The following PUM1 variants were observed in gnomAD, a reference collection of about 807,000 sequenced individuals.
The protein encoded by PUM1 is pumilio homolog 1.
A neutral mutation model predicts 131.8 loss-of-function variants in PUM1; 13 were observed. The observed-to-expected ratio is 0.10, with a 90% confidence interval of 0.06 to 0.16. The LOEUF (loss-of-function observed/expected upper bound fraction) is 0.16, where lower values mean the gene tolerates loss of function less well. PUM1 is among the 10% of genes least tolerant of loss of function. The pLI is 1.00. For synonymous variants in PUM1, 509 were observed against 556.5 expected, an observed-to-expected ratio of 0.91 and a Z score of 1.20; for missense variants, 961 against 1,512.4, an observed-to-expected ratio of 0.64 and a Z score of 6.05.
At chr1:31,050,445 G>A (rs1644080666) in intron 2 of PUM1, among the ~76,000 whole-genome samples, 1 of 151,718 alleles carries the variant, frequency 6.6e-6, no homozygotes, top group South Asian at 2.1e-4. Flanking sequence ...GATAGTGCCA[G>A]TGGGTGACAA....
chr1:31,046,377 ACTCT>A (rs1304443450), intron 2 of PUM1, among the ~76,000 whole-genome samples: 1 of 152,038 alleles, frequency 6.6e-6, no homozygotes, highest in Non-Finnish European at 1.5e-5. Flanking sequence ...CAAGAGTGAA[ACTCT>A]CTCTCAAAAC....
chr1:31,029,942 G>A (rs899717082), intron 2 of PUM1, among the ~76,000 whole-genome samples: 7 of 149,786 alleles, frequency 4.7e-5, no homozygotes, highest in African/African-American at 1.7e-4. Context: ...AAGGCTGGGC[G>A]CAGTGGCTCA....
At chr1:31,054,829 C>A (rs1438062462) in intron 2 of PUM1, among the ~76,000 whole-genome samples, 2 of 152,132 alleles carry the variant, frequency 1.3e-5, no homozygotes, top group South Asian at 2.1e-4. Flanking sequence ...CAAAACAATT[C>A]TTTGGCCCTG....
intron 2 of PUM1, among the ~76,000 whole-genome samples, chr1:31,049,296 A>G (rs1478831937): frequency 6.6e-6 from 1 of 152,150 alleles, no homozygotes; most frequent in Non-Finnish European, 1.5e-5. Flanking sequence ...CAGGTGGATC[A>G]CTTGAGGTCA....
At chr1:31,064,103 T>G (rs567043118) in intron 1 of PUM1, among the ~76,000 whole-genome samples, 64 of 152,338 alleles carry the variant, frequency 4.2e-4, no homozygotes, top group African/African-American at 1.5e-3. Flanking sequence ...TTTTAAAATA[T>G]CACTAATTGA....
intron 5 of PUM1, among the ~76,000 whole-genome samples, chr1:30,997,919 T>C (rs1642042854): frequency 6.7e-6 from 1 of 149,676 alleles, no homozygotes; most frequent in Non-Finnish European, 1.5e-5. Flanking sequence ...CTAATTTACA[T>C]TCTCAGTTAT....
At chr1:30,934,669 T>G (rs554147267) in intron 21 of PUM1, among the ~76,000 whole-genome samples, 8 of 152,194 alleles carry the variant, frequency 5.3e-5, no homozygotes, top group Non-Finnish European at 1.2e-4. Flanking sequence ...TTACTAATGT[T>G]TCTGTCATGA....
intron 2 of PUM1, among the ~76,000 whole-genome samples, chr1:31,033,909 G>A (rs1345140294): frequency 6.6e-6 from 1 of 151,998 alleles, no homozygotes; most frequent in Non-Finnish European, 1.5e-5. Context: ...TAAAGTGCTG[G>A]GATTACAGGT....
intron 7 of PUM1, among the ~76,000 whole-genome samples, chr1:30,983,813 G>A (rs2124473259): frequency 6.7e-6 from 1 of 149,226 alleles, no homozygotes; most frequent in South Asian, 2.1e-4. Flanking sequence ...ACGTTGCTCA[G>A]GCTGGTCTGG....
intron 3 of PUM1, among the ~76,000 whole-genome samples, chr1:31,023,844 G>A (rs1026598641): frequency 1.3e-5 from 2 of 149,086 alleles, no homozygotes; most frequent in African/African-American, 2.5e-5. Flanking sequence ...CAGGAGAATC[G>A]CTTGAACCCG....
intron 2 of PUM1, among the ~76,000 whole-genome samples, chr1:31,053,393 C>T (rs1570362653): frequency 1.3e-5 from 2 of 151,386 alleles, no homozygotes; most frequent in Admixed American, 6.6e-5. Context: ...CACTTCCCTC[C>T]GAAGACCTCA....
At chr1:31,062,316 G>A (rs12126748) in intron 1 of PUM1, among the ~76,000 whole-genome samples, 42,952 of 151,958 alleles carry the variant, frequency 0.28, 6,551 homozygotes, top group Non-Finnish European at 0.34. Flanking sequence ...CAGCCTGTGG[G>A]TGCTTTTAAA....
chr1:31,018,925 T>C (rs372398253), intron 3 of PUM1, among the ~76,000 whole-genome samples: 1 of 152,118 alleles, frequency 6.6e-6, no homozygotes, highest in African/African-American at 2.4e-5. Context: ...TGTGTGCATA[T>C]AGTATCAAAA....
intron 1 of PUM1, 107 bp from the exon 2 acceptor site, chr1:31,059,684 T>C: frequency 1.5e-6 from 2 of 1,333,402 alleles, no homozygotes; most frequent in South Asian, 1.5e-5. Flanking sequence ...ATAAATGTCG[T>C]TGGTGGCATG....
intron 2 of PUM1, among the ~76,000 whole-genome samples, chr1:31,051,514 G>T (rs1644108985): frequency 6.6e-6 from 1 of 152,068 alleles, no homozygotes; most frequent in African/African-American, 2.4e-5. Context: ...TGTTGGTCAG[G>T]CTGGTCTCCA....
chr1:30,987,195 A>T (rs1442828538), intron 7 of PUM1, among the ~76,000 whole-genome samples: 4 of 140,890 alleles, frequency 2.8e-5, no homozygotes, highest in African/African-American at 2.6e-5. Context: ...CTAGTAACAA[A>T]TTTTTTTTTT....
At chr1:31,038,392 T>G (rs887606787) in intron 2 of PUM1, among the ~76,000 whole-genome samples, 5 of 152,162 alleles carry the variant, frequency 3.3e-5, no homozygotes, top group Non-Finnish European at 7.3e-5. Context: ...TGCAGAAATG[T>G]AGACTACTGT....
chr1:31,027,136 T>C (rs548116847), intron 3 of PUM1, among the ~76,000 whole-genome samples: 2 of 152,306 alleles, frequency 1.3e-5, no homozygotes, highest in South Asian at 4.1e-4. Context: ...TTATCTTGTA[T>C]CATTAATTTT....
chr1:30,955,974 A>T (rs1259961576), intron 14 of PUM1, among the ~76,000 whole-genome samples: 4 of 152,254 alleles, frequency 2.6e-5, no homozygotes, highest in Non-Finnish European at 5.9e-5. Flanking sequence ...TGCAACTCCC[A>T]TTTATGTAAC....
Sources: allele counts gnomAD v4.1 joint callset (sites outside exome capture counted in the v4.1 genomes callset), GRCh38; gene constraint gnomAD v4.1.1; transcripts MANE v1.5; gene names NCBI Gene and HGNC (gene_info 2026-07-23, HGNC 2026-07-21).